Variants in NEGR1 observed in about 807,000 individuals in gnomAD.
NEGR1 encodes the protein IgLON family member 4.
Under a neutral mutation model 40.9 loss-of-function variants are expected in NEGR1, and 10 were observed. The ratio of observed to expected loss-of-function variants is 0.24; its 90% CI spans 0.15 to 0.42. The LOEUF (loss-of-function observed/expected upper bound fraction) is 0.42, where lower values mean the gene tolerates loss of function less well. Ranked by LOEUF, NEGR1 falls within the 10% of genes least tolerant of loss-of-function variation. The probability of loss-of-function intolerance (pLI) is 1.00; values close to 1 mark genes in which losing one functional copy is unlikely to be tolerated. For synonymous variants in NEGR1, 185 were observed against 166.8 expected (o/e 1.11, Z -0.84); for missense variants, 352 against 438.9 (o/e 0.80, Z 1.77).
At chr1:72,061,904 A>C (rs918704845) in intron 1 of NEGR1, among the ~76,000 whole-genome samples, 1 of 151,676 alleles carries the variant, frequency 6.6e-6, no homozygotes. Flanking sequence ...TGATTTTTAT[A>C]ATGGGCTCCC....
chr1:71,950,600 C>T (rs943603279), intron 1 of NEGR1, among the ~76,000 whole-genome samples: 3 of 151,894 alleles, frequency 2.0e-5, no homozygotes, highest in Non-Finnish European at 4.4e-5. Flanking sequence ...TTATGAAAAT[C>T]AAAACCTACT....
intron 2 of NEGR1, among the ~76,000 whole-genome samples, chr1:71,816,844 G>A (rs1440370755): frequency 3.3e-5 from 5 of 151,766 alleles, no homozygotes; most frequent in Non-Finnish European, 7.4e-5. Flanking sequence ...CCTTCAAACT[G>A]TGCTTGTATT....
At chr1:72,058,390 T>C (rs906546483) in intron 1 of NEGR1, among the ~76,000 whole-genome samples, 2 of 151,626 alleles carry the variant, frequency 1.3e-5, no homozygotes, top group Non-Finnish European at 3.0e-5. Flanking sequence ...TCTGGCATGT[T>C]ATCCAGTTAG....
At chr1:71,562,037 G>C (rs1041622320) in intron 6 of NEGR1, among the ~76,000 whole-genome samples, 2 of 150,502 alleles carry the variant, frequency 1.3e-5, no homozygotes, top group South Asian at 2.1e-4. Flanking sequence ...TATGTAAGCT[G>C]GAATCAAGTG....
At chr1:72,124,429 G>A (rs898165413) in intron 1 of NEGR1, among the ~76,000 whole-genome samples, 15 of 150,806 alleles carry the variant, frequency 9.9e-5, no homozygotes, top group African/African-American at 3.7e-4. Flanking sequence ...TTAAGACTAG[G>A]GCAGAAAAAA....
chr1:72,038,863 A>G (rs1435955213), intron 1 of NEGR1, among the ~76,000 whole-genome samples: 1 of 152,060 alleles, frequency 6.6e-6, no homozygotes, highest in Non-Finnish European at 1.5e-5. Flanking sequence ...CATTCAGGTA[A>G]TCAAAGAGCT....
chr1:71,638,843 CT>C (rs1415122994), intron 4 of NEGR1, among the ~76,000 whole-genome samples: 1 of 151,912 alleles, frequency 6.6e-6, no homozygotes, highest in Non-Finnish European at 1.5e-5. Context: ...TCTAAGTCCC[CT>C]TTAAAATGCC....
intron 1 of NEGR1, among the ~76,000 whole-genome samples, chr1:71,993,921 G>C (rs974916546): frequency 6.6e-6 from 1 of 151,860 alleles, no homozygotes; most frequent in Non-Finnish European, 1.5e-5. Flanking sequence ...TTTTATTTAG[G>C]CATGTCCAAC....
chr1:71,937,780 A>G (rs1161238722), intron 1 of NEGR1, among the ~76,000 whole-genome samples: 2 of 152,186 alleles, frequency 1.3e-5, no homozygotes, highest in African/African-American at 4.8e-5. Context: ...GTCCTAGTAT[A>G]AAGGAAGCAG....
At chr1:71,808,864 G>C (rs1281455727) in intron 2 of NEGR1, among the ~76,000 whole-genome samples, 26 of 151,992 alleles carry the variant, frequency 1.7e-4, no homozygotes, top group Admixed American at 1.7e-3. Context: ...TACCAACATA[G>C]CTCAAAGCAA....
At chr1:71,851,768 A>G (rs151153568) in intron 2 of NEGR1, among the ~76,000 whole-genome samples, 58 of 152,276 alleles carry the variant, frequency 3.8e-4, no homozygotes, top group Non-Finnish European at 7.5e-4. Context: ...GCTCATTAAA[A>G]AAAATTATGT....
intron 1 of NEGR1, among the ~76,000 whole-genome samples, chr1:72,210,482 C>G (rs957113277): frequency 3.3e-5 from 5 of 151,876 alleles, no homozygotes; most frequent in African/African-American, 9.7e-5. Context: ...ACCATTATTA[C>G]TTTAAGGAAT....
At chr1:72,248,365 C>A (rs577904624) in intron 1 of NEGR1, among the ~76,000 whole-genome samples, 1 of 152,122 alleles carries the variant, frequency 6.6e-6, no homozygotes, top group African/African-American at 2.4e-5. Context: ...TCAAGCAATT[C>A]TCCTCCCTCA....
chr1:71,845,037 G>A (rs148547985), intron 2 of NEGR1, among the ~76,000 whole-genome samples: 30 of 152,296 alleles, frequency 2.0e-4, no homozygotes, highest in African/African-American at 7.0e-4. Context: ...AAGGCAAATA[G>A]AGGTTTAATG....
At chr1:72,069,441 T>TAA (rs373583684) in intron 1 of NEGR1, among the ~76,000 whole-genome samples, 312 of 148,162 alleles carry the variant, frequency 2.1e-3, no homozygotes, top group African/African-American at 7.1e-3. Flanking sequence ...AAGACTCTGT[T>TAA]AAAAAAAAAA....
chr1:72,072,840 G>C (rs1211464667), intron 1 of NEGR1, among the ~76,000 whole-genome samples: 1 of 152,060 alleles, frequency 6.6e-6, no homozygotes, highest in Non-Finnish European at 1.5e-5. Context: ...ATAATTGGTG[G>C]GGAAATATGC....
At chr1:71,670,501 A>G (rs1652384091) in intron 4 of NEGR1, among the ~76,000 whole-genome samples, 1 of 151,948 alleles carries the variant, frequency 6.6e-6, no homozygotes, top group African/African-American at 2.4e-5. Context: ...TCTTCCAACA[A>G]TTTTGAAAAA....
chr1:71,913,094 G>A (rs1468988747), intron 2 of NEGR1, among the ~76,000 whole-genome samples: 1 of 152,078 alleles, frequency 6.6e-6, no homozygotes, highest in East Asian at 1.9e-4. Flanking sequence ...AAATATGGAA[G>A]CAATCATTTT....
chr1:71,571,323 A>G (rs1330380931), intron 6 of NEGR1, among the ~76,000 whole-genome samples: 1 of 152,202 alleles, frequency 6.6e-6, no homozygotes. Flanking sequence ...GACTATTCTC[A>G]TAATTCTCTG....
Sources: gnomAD v4.1 joint callset for allele counts (sites outside exome capture counted in the v4.1 genomes callset) on GRCh38, gnomAD v4.1.1 for gene constraint, MANE v1.5 for transcripts, NCBI Gene and HGNC (gene_info 2026-07-23, HGNC 2026-07-21) for gene names.